The following ACSF2 variants were observed in gnomAD, a reference collection of about 807,000 sequenced individuals.
ACSF2 encodes medium-chain acyl-CoA ligase ACSF2, mitochondrial.
ACSF2 carries 52 observed loss-of-function variants against 79.3 expected under a neutral mutation model. The ratio of observed to expected loss-of-function variants is 0.66; its 90% confidence interval spans 0.53 to 0.83. ACSF2 has a LOEUF of 0.83. ACSF2 is among the 40% of genes least tolerant of loss of function. ACSF2 has a pLI of 0.00. For missense variants in ACSF2, 661 were observed against 803.3 expected, an observed-to-expected ratio of 0.82 and a Z score of 2.14; for synonymous variants, 283 against 312.6, an observed-to-expected ratio of 0.91 and a Z score of 1.00.
chr17:50,431,168 CTA>C (rs2029894539), intron 1 of ACSF2, among the ~76,000 whole-genome samples: 1 of 152,226 alleles, frequency 6.6e-6, no homozygotes, highest in Non-Finnish European at 1.5e-5. Context: ...TAGAAAATAA[CTA>C]TGAACTTGGC....
intron 1 of ACSF2, among the ~76,000 whole-genome samples, chr17:50,452,150 T>C (rs2031716701): frequency 6.6e-6 from 1 of 152,214 alleles, no homozygotes; most frequent in South Asian, 2.1e-4. Flanking sequence ...CTGGTCTCAG[T>C]CCCACCTGGG....
rs1268057414 is a variant in ACSF2, at chr17:50,473,662, C to T, written c.1476-3C>T. ...ACAGGTTGCCCCTGGGCTTTCCTTA[C>T]AGAGATGTCGCCACAATGAATGAGC... On this transcript the variant is annotated splice_region_variant and splice_polypyrimidine_tract_variant and intron_variant, in intron 12 of 15. Transcript: ENST00000300441. The T allele has an allele frequency of 5.0e-6, 8 of 1,614,062 alleles. No homozygotes were observed. Among genetic ancestry groups the T allele is most frequent in the African/African-American group, 2.7e-5 (2 of 74,922 alleles).
chr17:50,469,079 C>G (rs2032962391), intron 10 of ACSF2: 2 of 1,223,024 alleles, frequency 1.6e-6, no homozygotes, highest in South Asian at 2.8e-5. Flanking sequence ...CCGTGGCCCC[C>G]GAGCCCCGAG....
At chr17:50,452,419 G>A (rs1327849662) in intron 1 of ACSF2, among the ~76,000 whole-genome samples, 1 of 152,108 alleles carries the variant, frequency 6.6e-6, no homozygotes, top group East Asian at 1.9e-4. Context: ...GAGAGCTTGA[G>A]GCTTCAGTGA....
intron 10 of ACSF2, chr17:50,465,743 G>A: frequency 1.9e-6 from 3 of 1,613,790 alleles, no homozygotes; most frequent in South Asian, 1.1e-5. Context: ...ACACTTCCAG[G>A]GGTTATTGGT....
chr17:50,431,214 A>G (rs1405817052), intron 1 of ACSF2, among the ~76,000 whole-genome samples: 1 of 152,238 alleles, frequency 6.6e-6, no homozygotes, highest in Non-Finnish European at 1.5e-5. Flanking sequence ...CATCTGTTTT[A>G]GTTACCCTCC....
At chr17:50,470,443 T>C (rs2033059404) in intron 10 of ACSF2, among the ~76,000 whole-genome samples, 1 of 152,122 alleles carries the variant, frequency 6.6e-6, no homozygotes, top group Admixed American at 6.5e-5. Flanking sequence ...GCTTAGGTTG[T>C]TTTTTTATTT....
intron 10 of ACSF2, chr17:50,470,199 T>C (rs1488933867): frequency 6.6e-6 from 1 of 152,218 alleles, no homozygotes; most frequent in Non-Finnish European, 1.5e-5. Flanking sequence ...GTAACTAGCC[T>C]CTCTTCCCTT....
intron 1 of ACSF2, among the ~76,000 whole-genome samples, chr17:50,459,791 A>AGG (rs2032223823): frequency 6.6e-6 from 1 of 152,148 alleles, no homozygotes; most frequent in African/African-American, 2.4e-5. Context: ...AGGTAGCCAC[A>AGG]TGTGAGAGGT....
At chr17:50,428,781 C>CA (rs1915257235) in intron 1 of ACSF2, among the ~76,000 whole-genome samples, 2 of 152,006 alleles carry the variant, frequency 1.3e-5, no homozygotes, top group Non-Finnish European at 2.9e-5. Context: ...GACTTCATCT[C>CA]AAAAAAATAA....
chr17:50,466,188 G>A (rs1479149070), intron 10 of ACSF2, among the ~76,000 whole-genome samples: 6 of 147,544 alleles, frequency 4.1e-5, no homozygotes, highest in African/African-American at 1.3e-4. Flanking sequence ...CCGGGTTCAC[G>A]CCATTCTCCG....
intron 1 of ACSF2, among the ~76,000 whole-genome samples, chr17:50,437,399 C>CT (rs2030519989): frequency 6.6e-6 from 1 of 152,162 alleles, no homozygotes; most frequent in African/African-American, 2.4e-5. Flanking sequence ...CCTGTAATCC[C>CT]TACACTTTAG....
intron 10 of ACSF2, chr17:50,465,290 C>G: frequency 6.2e-7 from 1 of 1,614,010 alleles, no homozygotes; most frequent in Non-Finnish European, 8.5e-7. Flanking sequence ...TACCTGGCCC[C>G]CACCTGTTTA....
chr17:50,452,026 T>C (rs537198708), intron 1 of ACSF2, among the ~76,000 whole-genome samples: 1 of 152,268 alleles, frequency 6.6e-6, no homozygotes, highest in South Asian at 2.1e-4. Flanking sequence ...TCTTAAAAAA[T>C]AAAATTTCTT....
chr17:50,461,512 A>G (rs528163985), intron 3 of ACSF2, 121 bp from the exon 4 acceptor site: 22 of 1,587,134 alleles, frequency 1.4e-5, no homozygotes, highest in Middle Eastern at 3.4e-4. Flanking sequence ...AGGCCCACCA[A>G]GGAGGTCTCT....
At chr17:50,469,691 TCCC>T (rs2033009940) in intron 10 of ACSF2, among the ~76,000 whole-genome samples, 2 of 152,014 alleles carry the variant, frequency 1.3e-5, no homozygotes, top group Non-Finnish European at 2.9e-5. Context: ...AATATCTCCA[TCCC>T]TCATCCCCAA....
At chr17:50,457,097 T>A in intron 1 of ACSF2, among the ~76,000 whole-genome samples, 1 of 150,822 alleles carries the variant, frequency 6.6e-6, no homozygotes, top group Non-Finnish European at 1.5e-5. Context: ...AAAAAAAAAA[T>A]GAAAAAAAGA....
intron 1 of ACSF2, among the ~76,000 whole-genome samples, chr17:50,435,945 G>A (rs1017449707): frequency 6.6e-6 from 1 of 151,466 alleles, no homozygotes. Context: ...TTTGTTGTTT[G>A]TTTGTTTTTA....
chr17:50,474,730 A>G lies in ACSF2; in HGVS notation c.*178A>G. ...TGGGTCCGGGAACTCGCCTGGGCAC[A>G]AGGTGCCAAAAGGCAGGCAGCCTGC... On this transcript the variant is annotated 3_prime_UTR_variant, in exon 16 of 16. Transcript: ENST00000300441. The surrounding 1 kb of genome is among the most constrained non-coding windows in gnomAD (Gnocchi z 4.2). 1 of 625,656 alleles carries G rather than the reference A, an allele frequency of 1.6e-6. No homozygotes were observed. 38.8% of individuals were successfully genotyped at this position (625,656 alleles called of 1,614,324 possible).
Sources: gnomAD v4.1 joint callset for allele counts (sites outside exome capture counted in the v4.1 genomes callset) on GRCh38, gnomAD v4.1.1 for gene constraint, Gnocchi (gnomAD v3.1) non-coding constraint, MANE v1.5 for transcripts, NCBI Gene and HGNC (gene_info 2026-07-23, HGNC 2026-07-21) for gene names.